Variants in GSTCD observed in about 807,000 individuals in gnomAD.
GSTCD encodes glutathione S-transferase C-terminal domain containing.
Under a neutral mutation model 68.3 loss-of-function variants are expected in GSTCD, and 44 were observed. That is an observed-to-expected ratio of 0.64 (90% CI 0.51 to 0.83). The LOEUF (loss-of-function observed/expected upper bound fraction) is 0.83. GSTCD is among the 40% of genes least tolerant of loss of function. The pLI is 0.00. For synonymous variants in GSTCD, 273 were observed against 255.2 expected, an observed-to-expected ratio of 1.07 and a Z score of -0.67; for missense variants, 739 against 735.9, an observed-to-expected ratio of 1.00 and a Z score of -0.05.
At chr4:105,822,766 G>T (rs938676407) in intron 5 of GSTCD, among the ~76,000 whole-genome samples, 188 bp from the exon 6 acceptor site, 5 of 151,990 alleles carry the variant, frequency 3.3e-5, no homozygotes, top group Admixed American at 6.6e-5. Context: ...TTCATCTCGG[G>T]TTCTAGTCCT....
At chr4:105,818,881 G>A (rs1223951068) in intron 5 of GSTCD, among the ~76,000 whole-genome samples, 9 of 151,636 alleles carry the variant, frequency 5.9e-5, no homozygotes, top group Non-Finnish European at 1.5e-5. Context: ...TCACTTAATG[G>A]CAGAGAGCAT....
intron 5 of GSTCD, among the ~76,000 whole-genome samples, chr4:105,788,631 T>C (rs1735551744): frequency 6.6e-6 from 1 of 152,048 alleles, no homozygotes; most frequent in Admixed American, 6.5e-5. Context: ...GTAGTTTCCT[T>C]AGGGTTTAAG....
intron 5 of GSTCD, among the ~76,000 whole-genome samples, chr4:105,744,047 G>A (rs560487491): frequency 3.9e-5 from 6 of 152,262 alleles, no homozygotes; most frequent in African/African-American, 1.4e-4. Context: ...CTATAGTCTG[G>A]CAGATTTTGG....
chr4:105,809,380 CTTG>C (rs1722664223), intron 5 of GSTCD, among the ~76,000 whole-genome samples: 2 of 151,994 alleles, frequency 1.3e-5, no homozygotes, highest in Non-Finnish European at 2.9e-5. Flanking sequence ...CTACTGTATA[CTTG>C]TTATTCTCTT....
chr4:105,829,920 T>C (rs1283190157), intron 8 of GSTCD, among the ~76,000 whole-genome samples: 1 of 151,714 alleles, frequency 6.6e-6, no homozygotes, highest in Non-Finnish European at 1.5e-5. Flanking sequence ...AGAGATAAAG[T>C]ATTTTTTTAA....
chr4:105,827,928 C>T (rs1053637343), intron 8 of GSTCD, among the ~76,000 whole-genome samples: 1 of 151,750 alleles, frequency 6.6e-6, no homozygotes, highest in Admixed American at 6.6e-5. Context: ...TATTAATACC[C>T]ATGCTCTCAA....
intron 5 of GSTCD, among the ~76,000 whole-genome samples, chr4:105,775,041 G>T (rs1246112008): frequency 9.2e-5 from 14 of 152,082 alleles, no homozygotes; most frequent in Non-Finnish European, 7.4e-5. Context: ...TTTCTTGGAG[G>T]CTTTGTTCAT....
At chr4:105,709,975 CTTTTT>C (rs1041709044) in intron 1 of GSTCD, among the ~76,000 whole-genome samples, 1 of 147,202 alleles carries the variant, frequency 6.8e-6, no homozygotes. Context: ...GTTTTTTTTT[CTTTTT>C]TTTTAACTGC....
chr4:105,807,727 A>T (rs1027992898), intron 5 of GSTCD, among the ~76,000 whole-genome samples: 1 of 152,062 alleles, frequency 6.6e-6, no homozygotes, highest in African/African-American at 2.4e-5. Context: ...ACATGGTATC[A>T]GTTTGACACA....
chr4:105,713,560 C>A (rs2149202058), intron 1 of GSTCD, among the ~76,000 whole-genome samples: 1 of 152,202 alleles, frequency 6.6e-6, no homozygotes, highest in South Asian at 2.1e-4. Context: ...TTAATTAATA[C>A]TTTTGGACTG....
intron 7 of GSTCD, 79 bp from the exon 8 acceptor site, chr4:105,825,593 A>G (rs1188461134): frequency 2.1e-5 from 17 of 804,216 alleles, no homozygotes; most frequent in South Asian, 9.0e-5. Flanking sequence ...TATTAAAGCT[A>G]TGAAATATAG....
At position 105,823,285 on chromosome 4, in the gene GSTCD, G is replaced by T. The variant is rs1196929263; in HGVS notation, c.1401+10G>T. 1.2e-6 allele frequency: 2 copies of T among 1,612,910 alleles called. No individual in the cohort carries two copies. Among genetic ancestry groups the T allele is most frequent in the Admixed American group, 3.3e-5 (2 of 59,980 alleles). ...GCTGCCATCATGTCAGGTAAAGCCA[G>T]AATAAGAGATAAAAGGAAATATTTT... On this transcript the variant is annotated intron_variant, in intron 7 of 11. Coordinates refer to ENST00000515279, the MANE Select transcript of GSTCD (RefSeq NM_001370181.1).
intron 3 of GSTCD, 118 bp from the exon 4 acceptor site, chr4:105,726,461 A>C (rs1234101351): frequency 3.0e-6 from 2 of 655,796 alleles, no homozygotes; most frequent in Non-Finnish European, 5.0e-6. Flanking sequence ...ATTTACTACA[A>C]CTCATTGTTT....
intron 8 of GSTCD, among the ~76,000 whole-genome samples, chr4:105,830,639 T>C (rs1005290096): frequency 6.6e-6 from 1 of 152,068 alleles, no homozygotes; most frequent in Non-Finnish European, 1.5e-5. Flanking sequence ...CATATTTTAG[T>C]AAAACGTCAG....
intron 5 of GSTCD, among the ~76,000 whole-genome samples, chr4:105,767,680 A>G (rs1319842058): frequency 6.6e-6 from 1 of 152,236 alleles, no homozygotes. Flanking sequence ...ATTGAAAAAA[A>G]CAAAAACTAT....
intron 5 of GSTCD, among the ~76,000 whole-genome samples, chr4:105,734,154 A>T (rs1388185468): frequency 6.6e-6 from 1 of 152,078 alleles, no homozygotes; most frequent in Middle Eastern, 3.2e-3. Context: ...TGAATCTGAC[A>T]ATTATGTGTC....
chr4:105,713,445 CTT>C (rs1732597379), intron 1 of GSTCD, among the ~76,000 whole-genome samples: 2 of 152,154 alleles, frequency 1.3e-5, no homozygotes, highest in South Asian at 4.1e-4. Context: ...ACAATTTTCA[CTT>C]TGGTAAAATT....
chr4:105,718,600 C>G (rs1482352343), intron 2 of GSTCD, among the ~76,000 whole-genome samples: 1 of 152,098 alleles, frequency 6.6e-6, no homozygotes, highest in Non-Finnish European at 1.5e-5. Flanking sequence ...CTAATATACC[C>G]TTTACGTGTG....
chr4:105,834,619 A>G, intron 9 of GSTCD, 25 bp downstream of exon 9: 1 of 1,609,312 alleles, frequency 6.2e-7, no homozygotes, highest in Non-Finnish European at 8.5e-7. Flanking sequence ...GTTCTACATA[A>G]GACACCAACA....
Sources: gnomAD v4.1 joint callset for allele counts (sites outside exome capture counted in the v4.1 genomes callset) on GRCh38, gnomAD v4.1.1 for gene constraint, MANE v1.5 for transcripts, NCBI Gene and HGNC (gene_info 2026-07-23, HGNC 2026-07-21) for gene names.